Variants in MAGI1 observed in about 807,000 individuals in gnomAD.
MAGI1 encodes membrane associated guanylate kinase, WW and PDZ domain containing 1, also known as membrane-associated guanylate kinase, WW and PDZ domain-containing protein 1.
MAGI1 carries 58 observed loss-of-function variants against 139.9 expected under a neutral mutation model. That is an observed-to-expected ratio of 0.41 (90% CI 0.34 to 0.52). The LOEUF (loss-of-function observed/expected upper bound fraction) is 0.52. Ranked by LOEUF, MAGI1 falls within the 20% of genes least tolerant of loss-of-function variation. MAGI1 has a pLI of 0.12. For missense variants in MAGI1, 1,874 were observed against 1,901.6 expected (o/e 0.99, Z 0.27); for synonymous variants, 812 against 737.9 (o/e 1.10, Z -1.63).
In MAGI1 at chr3:65,785,075, T is replaced by A. The variant is rs141604838; in HGVS notation, c.314-162987A>T. ...CACGCTGTGTATCTATTAAAAATAC[T>A]AAATTGTACATGTTACATGAATAAA... On this transcript the variant is annotated intron_variant, in intron 1 of 22. Transcript: ENST00000402939. 3.3e-5 allele frequency among the ~76,000 whole-genome samples: 5 copies of A among 152,364 alleles called. No individual in the cohort carries two copies. In the East Asian group the frequency reaches 9.6e-4, roughly 29 times the overall value.
chr3:65,925,663 A>G (rs2062463163), intron 1 of MAGI1, among the ~76,000 whole-genome samples: 1 of 143,050 alleles, frequency 7.0e-6, no homozygotes, highest in African/African-American at 2.7e-5. Flanking sequence ...TCTCTCATAT[A>G]ACCTTAACCA....
At chr3:65,672,797 T>G (rs1348739546) in intron 1 of MAGI1, among the ~76,000 whole-genome samples, 1 of 152,216 alleles carries the variant, frequency 6.6e-6, no homozygotes, top group Admixed American at 6.5e-5. Flanking sequence ...TTAAAGCACG[T>G]ACTACCAGTG....
At chr3:65,870,515 G>C (rs1327892648) in intron 1 of MAGI1, among the ~76,000 whole-genome samples, 1 of 151,788 alleles carries the variant, frequency 6.6e-6, no homozygotes, top group Non-Finnish European at 1.5e-5. Flanking sequence ...ATGAGAAAGA[G>C]AGCAGGGAAG....
rs531559263 is a variant in MAGI1 at position 65,366,535 on chromosome 3, T to G, written c.3197-1589A>C. On this transcript the variant is annotated intron_variant, in intron 18 of 22. Transcript: ENST00000402939. Reference sequence around the variant, plus strand: ...GGGAGGTGGTGTTTCTCAGGCTTACTGGGAGACAGTTTAGCACAATGGTGA... The same window carrying G: ...GGGAGGTGGTGTTTCTCAGGCTTACGGGGAGACAGTTTAGCACAATGGTGA... Among the ~76,000 whole-genome samples, 4 of 152,304 alleles carry G rather than the reference T, an allele frequency of 2.6e-5. No homozygotes were observed. In the South Asian group the frequency reaches 6.2e-4, roughly 24 times the overall value.
chr3:65,710,873 A>G (rs1044898442), intron 1 of MAGI1, among the ~76,000 whole-genome samples: 2 of 152,114 alleles, frequency 1.3e-5, no homozygotes, highest in Admixed American at 6.5e-5. Flanking sequence ...ATTGATACAG[A>G]CTTTCTCCCA....
intron 2 of MAGI1, among the ~76,000 whole-genome samples, chr3:65,505,089 T>C (rs927737176): frequency 1.3e-5 from 2 of 152,128 alleles, no homozygotes; most frequent in African/African-American, 2.4e-5. Flanking sequence ...AGTAACGCTA[T>C]ACCCTAGCGC....
chr3:65,871,435 A>T (rs1559963280), intron 1 of MAGI1, among the ~76,000 whole-genome samples: 1 of 152,228 alleles, frequency 6.6e-6, no homozygotes, highest in South Asian at 2.1e-4. Flanking sequence ...CAGCACAGCC[A>T]GCCAGCTGAA....
At chr3:65,617,953 C>T (rs1250096086) in intron 2 of MAGI1, among the ~76,000 whole-genome samples, 1 of 152,114 alleles carries the variant, frequency 6.6e-6, no homozygotes, top group East Asian at 1.9e-4. Flanking sequence ...GCAGGCACTA[C>T]AATCAGGCAC....
chr3:65,523,847 A>T (rs1366259682), intron 2 of MAGI1, among the ~76,000 whole-genome samples: 9 of 152,182 alleles, frequency 5.9e-5, no homozygotes, highest in Admixed American at 1.3e-4. Flanking sequence ...ATTTAAAATC[A>T]CCAGCACAAA....
intron 1 of MAGI1, among the ~76,000 whole-genome samples, chr3:65,784,147 G>A (rs865944968): frequency 6.6e-6 from 1 of 152,002 alleles, no homozygotes; most frequent in Middle Eastern, 3.4e-3. Flanking sequence ...CAATAACAAG[G>A]AGTAATGAGC....
chr3:65,508,054 T>G (rs1001127705), intron 2 of MAGI1, among the ~76,000 whole-genome samples: 5 of 152,178 alleles, frequency 3.3e-5, no homozygotes, highest in Admixed American at 6.5e-5. Flanking sequence ...ACTATCTCAT[T>G]AGAATACTAT....
chr3:65,845,255 A>C (rs1323689298), intron 1 of MAGI1, among the ~76,000 whole-genome samples: 1 of 151,920 alleles, frequency 6.6e-6, no homozygotes, highest in African/African-American at 2.4e-5. Flanking sequence ...CCATCTCAAA[A>C]AAAAAAAGAG....
At chr3:65,978,975 A>G (rs566790496) in intron 1 of MAGI1, among the ~76,000 whole-genome samples, 6 of 151,882 alleles carry the variant, frequency 4.0e-5, no homozygotes, top group Non-Finnish European at 5.9e-5. Flanking sequence ...AGGACTCAGA[A>G]AGCATCTCTT....
intron 1 of MAGI1, among the ~76,000 whole-genome samples, chr3:65,950,297 A>T (rs1357469918): frequency 6.6e-6 from 1 of 152,080 alleles, no homozygotes; most frequent in Non-Finnish European, 1.5e-5. Flanking sequence ...CACTCCTGAA[A>T]AGGAAAAGAC....
intron 1 of MAGI1, among the ~76,000 whole-genome samples, chr3:65,634,090 T>C (rs962693456): frequency 1.3e-5 from 2 of 152,208 alleles, no homozygotes; most frequent in Non-Finnish European, 2.9e-5. Flanking sequence ...ATGAGATTAC[T>C]AGTCTCATTT....
At chr3:66,000,100 G>A (rs2107437201) in intron 1 of MAGI1, among the ~76,000 whole-genome samples, 1 of 150,672 alleles carries the variant, frequency 6.6e-6, no homozygotes, top group Admixed American at 6.7e-5. Flanking sequence ...AGCCTCCCGA[G>A]CAGCTGGGAC....
chr3:65,765,837 C>A (rs1468450413), intron 1 of MAGI1, among the ~76,000 whole-genome samples: 5 of 151,972 alleles, frequency 3.3e-5, no homozygotes, highest in African/African-American at 1.2e-4. Flanking sequence ...AATCTTGCTT[C>A]TAAGCAAGGC....
chr3:65,463,026 T>C (rs9968106), intron 5 of MAGI1, among the ~76,000 whole-genome samples: 82,102 of 152,028 alleles, frequency 0.54, 23,628 homozygotes, highest in East Asian at 0.94. Context: ...TAGGCTGAGA[T>C]GATGGGGTTT....
At chr3:65,448,360 G>C in intron 6 of MAGI1, 2 of 498,588 alleles carry the variant, frequency 4.0e-6, no homozygotes, top group Non-Finnish European at 7.3e-6. Context: ...ATGTTCTTAA[G>C]TGGGAAGTCA....
Sources: allele counts gnomAD v4.1 joint callset (sites outside exome capture counted in the v4.1 genomes callset), GRCh38; gene constraint gnomAD v4.1.1; transcripts MANE v1.5; gene names NCBI Gene and HGNC (gene_info 2026-07-23, HGNC 2026-07-21).